HS3ST5: variants seen among roughly 807,000 people sequenced by gnomAD.
HS3ST5 encodes the protein heparan sulfate glucosamine 3-O-sulfotransferase 5.
A neutral mutation model predicts 25.4 loss-of-function variants in HS3ST5; 10 were observed. The observed-to-expected ratio is 0.39, with a 90% CI of 0.24 to 0.67. HS3ST5 has a LOEUF of 0.67. HS3ST5 is among the 30% of genes least tolerant of loss of function. The pLI, the probability that HS3ST5 is intolerant of heterozygous loss-of-function variation, is 0.44. For synonymous variants in HS3ST5, 170 were observed against 162.4 expected, an observed-to-expected ratio of 1.05 and a Z score of -0.36; for missense variants, 324 against 420.7, an observed-to-expected ratio of 0.77 and a Z score of 2.01.
At chr6:114,186,926 T>G (rs1562230485) in intron 2 of HS3ST5, among the ~76,000 whole-genome samples, 1 of 152,220 alleles carries the variant, frequency 6.6e-6, no homozygotes, top group Non-Finnish European at 1.5e-5. Flanking sequence ...ATGCCAAATC[T>G]ACTCTGCCTG....
At chr6:114,341,870 TC>T (rs1009771369) in intron 1 of HS3ST5, among the ~76,000 whole-genome samples, 6 of 151,806 alleles carry the variant, frequency 4.0e-5, no homozygotes, top group African/African-American at 1.5e-4. Context: ...GTTCCCTTTC[TC>T]CCTCAAAGAG....
At chr6:114,309,428 C>T (rs926843584) in intron 1 of HS3ST5, among the ~76,000 whole-genome samples, 2 of 152,076 alleles carry the variant, frequency 1.3e-5, no homozygotes, top group African/African-American at 4.8e-5. Context: ...TATTAAATAT[C>T]CTGGCCAGGT....
chr6:114,062,684 G>T, intron 4 of HS3ST5, 55 bp downstream of exon 4: 2 of 1,145,946 alleles, frequency 1.7e-6, no homozygotes, highest in Non-Finnish European at 2.6e-6. Context: ...TCCTAAGGAA[G>T]TTTAAATCAA....
intron 3 of HS3ST5, among the ~76,000 whole-genome samples, chr6:114,077,635 G>A (rs897704899): frequency 1.4e-4 from 22 of 152,148 alleles, no homozygotes; most frequent in Admixed American, 1.4e-3. Flanking sequence ...TCCTCCCTCT[G>A]TTCCATGTAG....
chr6:114,146,738 G>A (rs1047607315), intron 3 of HS3ST5, among the ~76,000 whole-genome samples: 3 of 152,094 alleles, frequency 2.0e-5, no homozygotes, highest in African/African-American at 7.2e-5. Flanking sequence ...TATTTGATGA[G>A]GTCTCATGTG....
chr6:114,296,073 C>G (rs1246384829), intron 1 of HS3ST5, among the ~76,000 whole-genome samples: 1 of 152,176 alleles, frequency 6.6e-6, no homozygotes, highest in African/African-American at 2.4e-5. Flanking sequence ...TTCTACTCAG[C>G]ACAGAAAACA....
At chr6:114,248,433 T>C (rs1473259066) in intron 1 of HS3ST5, among the ~76,000 whole-genome samples, 1 of 151,784 alleles carries the variant, frequency 6.6e-6, no homozygotes, top group Non-Finnish European at 1.5e-5. Context: ...CATAAAGTTA[T>C]GTTAGTTTTG....
At chr6:114,241,695 T>C (rs1233065261) in intron 1 of HS3ST5, among the ~76,000 whole-genome samples, 1 of 152,174 alleles carries the variant, frequency 6.6e-6, no homozygotes, top group Non-Finnish European at 1.5e-5. Flanking sequence ...TGAAAAGGTA[T>C]GTTGAAATGT....
intron 3 of HS3ST5, among the ~76,000 whole-genome samples, chr6:114,116,934 G>A (rs1188150910): frequency 6.6e-6 from 1 of 151,842 alleles, no homozygotes; most frequent in African/African-American, 2.4e-5. Flanking sequence ...CTTGGCAAAG[G>A]GTAGTAACTG....
chr6:114,287,786 A>G (rs548866030), intron 1 of HS3ST5, among the ~76,000 whole-genome samples: 2 of 152,132 alleles, frequency 1.3e-5, no homozygotes, highest in South Asian at 2.1e-4. Flanking sequence ...TGATCATTCC[A>G]ATATCCTATT....
chr6:114,148,844 T>TG (rs1778301772), intron 3 of HS3ST5, among the ~76,000 whole-genome samples: 1 of 152,192 alleles, frequency 6.6e-6, no homozygotes, highest in South Asian at 2.1e-4. Context: ...TCTACCCATC[T>TG]GACAGTCGTA....
At chr6:114,184,791 G>A (rs1780139875) in intron 2 of HS3ST5, among the ~76,000 whole-genome samples, 6 of 152,218 alleles carry the variant, frequency 3.9e-5, no homozygotes, top group Admixed American at 3.9e-4. Flanking sequence ...TGGGTCTGGA[G>A]GGCAGAGTAT....
chr6:114,096,638 A>G (rs1228912989), intron 3 of HS3ST5, among the ~76,000 whole-genome samples: 1 of 152,172 alleles, frequency 6.6e-6, no homozygotes, highest in Non-Finnish European at 1.5e-5. Flanking sequence ...GGGTTTAAAA[A>G]TTGGGGAAAA....
At chr6:114,337,465 A>T (rs1218714365) in intron 1 of HS3ST5, among the ~76,000 whole-genome samples, 2 of 152,326 alleles carry the variant, frequency 1.3e-5, no homozygotes, top group Non-Finnish European at 2.9e-5. Context: ...ATATCATGGG[A>T]AGCATAAAAC....
intron 3 of HS3ST5, among the ~76,000 whole-genome samples, chr6:114,095,868 A>T (rs980967786): frequency 2.6e-5 from 4 of 152,086 alleles, no homozygotes; most frequent in African/African-American, 9.7e-5. Flanking sequence ...GGTCCCTGTT[A>T]CATCTCTGGA....
At chr6:114,133,196 C>T (rs1157189063) in intron 3 of HS3ST5, among the ~76,000 whole-genome samples, 2 of 152,138 alleles carry the variant, frequency 1.3e-5, no homozygotes, top group East Asian at 1.9e-4. Context: ...TGACAATGGG[C>T]CTGGTTCCTC....
intron 2 of HS3ST5, among the ~76,000 whole-genome samples, chr6:114,190,149 T>C (rs866579320): frequency 1.3e-5 from 2 of 152,212 alleles, no homozygotes; most frequent in African/African-American, 4.8e-5. Context: ...GACTCTGTTT[T>C]TCTCTAGTCA....
chr6:114,324,180 C>A (rs894148996), intron 1 of HS3ST5, among the ~76,000 whole-genome samples: 2 of 152,186 alleles, frequency 1.3e-5, no homozygotes, highest in Non-Finnish European at 2.9e-5. Flanking sequence ...TTTTAGACAA[C>A]AGGGCTGCCA....
intron 2 of HS3ST5, among the ~76,000 whole-genome samples, chr6:114,218,582 C>T (rs12207978): frequency 0.13 from 19,307 of 152,004 alleles, 1,542 homozygotes; most frequent in Non-Finnish European, 0.18. Flanking sequence ...TGCGAGGTTT[C>T]GAAGGAATGA....
Sources: gnomAD v4.1 joint callset for allele counts (sites outside exome capture counted in the v4.1 genomes callset) on GRCh38, gnomAD v4.1.1 for gene constraint, MANE v1.5 for transcripts, NCBI Gene and HGNC (gene_info 2026-07-23, HGNC 2026-07-21) for gene names.